Variants in CHRM3 observed in about 807,000 individuals in gnomAD.
The protein encoded by CHRM3 is muscarinic acetylcholine receptor M3.
A neutral mutation model predicts 41.8 loss-of-function variants in CHRM3; 11 were observed. That is an observed-to-expected ratio of 0.26 (90% CI 0.17 to 0.44). The LOEUF (loss-of-function observed/expected upper bound fraction) is 0.44. Among genes scored for constraint, CHRM3 ranks in the 20% least tolerant of loss-of-function variants. The pLI, the probability that CHRM3 is intolerant of heterozygous loss-of-function variation, is 1.00. For synonymous variants in CHRM3, 297 were observed against 301.4 expected (o/e 0.99, Z 0.15); for missense variants, 571 against 745.4 (o/e 0.77, Z 2.72).
chr1:239,459,977 A>G (rs1183853750), intron 1 of CHRM3, among the ~76,000 whole-genome samples: 1 of 152,170 alleles, frequency 6.6e-6, no homozygotes, highest in African/African-American at 2.4e-5. Context: ...CTTTACCCAT[A>G]CTAATTTGAC....
intron 3 of CHRM3, among the ~76,000 whole-genome samples, chr1:239,622,707 T>C (rs1668520523): frequency 6.6e-6 from 1 of 152,142 alleles, no homozygotes; most frequent in Admixed American, 6.6e-5. Context: ...TTTCTTGAGA[T>C]GGAATTAACT....
chr1:239,713,221 T>G (rs999372310), intron 5 of CHRM3, among the ~76,000 whole-genome samples: 6 of 152,198 alleles, frequency 3.9e-5, no homozygotes, highest in Admixed American at 6.5e-5. Context: ...GAGATCTGAA[T>G]TGCAGTTCCA....
At chr1:239,465,571 G>A (rs1558243450) in intron 1 of CHRM3, among the ~76,000 whole-genome samples, 1 of 152,126 alleles carries the variant, frequency 6.6e-6, no homozygotes, top group South Asian at 2.1e-4. Context: ...TCTTGCCTTT[G>A]TTTGCCATCA....
intron 5 of CHRM3, among the ~76,000 whole-genome samples, chr1:239,760,696 T>TAC (rs1183888193): frequency 6.6e-6 from 1 of 152,194 alleles, no homozygotes; most frequent in African/African-American, 2.4e-5. Flanking sequence ...GCTCTGCTCA[T>TAC]GTGTGGTTTG....
At chr1:239,688,838 A>C (rs1428430878) in intron 5 of CHRM3, among the ~76,000 whole-genome samples, 1 of 140,798 alleles carries the variant, frequency 7.1e-6, no homozygotes, top group African/African-American at 2.6e-5. Context: ...ATTATATAAT[A>C]TATATATTTA....
At chr1:239,406,468 A>C (rs1055667980) in intron 1 of CHRM3, among the ~76,000 whole-genome samples, 2 of 152,230 alleles carry the variant, frequency 1.3e-5, no homozygotes, top group Admixed American at 6.5e-5. Context: ...AAGAAAATGA[A>C]CTATGAACCA....
At chr1:239,628,698 G>T (rs1329013635) in intron 3 of CHRM3, among the ~76,000 whole-genome samples, 1 of 54,710 alleles carries the variant, frequency 1.8e-5, no homozygotes, top group Non-Finnish European at 3.0e-5. Context: ...TGTCCTTTCT[G>T]TTTGTTAGTT....
At chr1:239,485,569 C>T (rs561249742) in intron 1 of CHRM3, among the ~76,000 whole-genome samples, 1 of 152,222 alleles carries the variant, frequency 6.6e-6, no homozygotes, top group East Asian at 1.9e-4. Context: ...CATGAGCCAC[C>T]ACACCTGGCT....
intron 6 of CHRM3, among the ~76,000 whole-genome samples, chr1:239,870,329 AAAT>A (rs1194758956): frequency 3.9e-5 from 6 of 152,190 alleles, no homozygotes; most frequent in African/African-American, 1.4e-4. Flanking sequence ...AGATAAGTAG[AAAT>A]AACCCTTCCA....
At chr1:239,824,633 C>G (rs548202382) in intron 5 of CHRM3, among the ~76,000 whole-genome samples, 1 of 152,152 alleles carries the variant, frequency 6.6e-6, no homozygotes. Context: ...ATTATCTTAA[C>G]AAGAAAATAC....
At chr1:239,437,941 C>T (rs1663402431) in intron 1 of CHRM3, among the ~76,000 whole-genome samples, 1 of 152,164 alleles carries the variant, frequency 6.6e-6, no homozygotes, top group Admixed American at 6.5e-5. Context: ...ATGTTCCTAA[C>T]ACTTTGCTCA....
At chr1:239,720,867 A>G (rs946479557) in intron 5 of CHRM3, among the ~76,000 whole-genome samples, 1 of 151,966 alleles carries the variant, frequency 6.6e-6, no homozygotes, top group Non-Finnish European at 1.5e-5. Context: ...AATATGCTTT[A>G]TCTGCAGGAG....
At chr1:239,581,059 C>A (rs537807465) in intron 3 of CHRM3, among the ~76,000 whole-genome samples, 332 of 152,038 alleles carry the variant, frequency 2.2e-3, no homozygotes, top group African/African-American at 7.8e-3. Flanking sequence ...AATCCTCTCA[C>A]CACAGCCCTT....
rs6673859 is a variant in CHRM3 at position 239,914,369 on chromosome 1, A to G, written c.*5145A>G. 47,753 of 166,974 alleles carry G rather than the reference A, an allele frequency of 0.29. 8,022 individuals are homozygous for G. The highest frequency in any genetic ancestry group is 0.48 in the African/African-American group (19,840 of 41,456). 10.3% of individuals were successfully genotyped at this position (166,974 alleles called of 1,614,324 possible). On this transcript the variant is annotated 3_prime_UTR_variant, in exon 7 of 7. Transcript: ENST00000676153. ...CCTCCTTATTAATATAACAAATATT[A>G]TCAACATTCTGTGCACATCAATGTC...
intron 4 of CHRM3, among the ~76,000 whole-genome samples, chr1:239,638,645 T>C (rs576183905): frequency 6.6e-6 from 1 of 152,362 alleles, no homozygotes; most frequent in South Asian, 2.1e-4. Context: ...TTGAGTTCAC[T>C]GTAGATTCTG....
At position 239,883,359 on chromosome 1, in the gene CHRM3, A is replaced by G. The variant is rs12061464; in HGVS notation, c.-19-24074A>G. Among the ~76,000 whole-genome samples the G allele has an allele frequency of 1.0e-3, 158 of 152,264 alleles. 1 individual carries two copies. The highest frequency in any genetic ancestry group is 3.5e-3 in the African/African-American group (145 of 41,546). On this transcript the variant is annotated intron_variant, in intron 6 of 6. Coordinates refer to ENST00000676153, the MANE Select transcript of CHRM3 (RefSeq NM_001375978.1). ...TCATCTCCAACTATGCCCCTCATTC[A>G]TTTCATTTGCAGCACTTCAGTTAGG... is the stretch of plus-strand genomic sequence containing the variant.
At position 239,445,759 on chromosome 1, in the gene CHRM3, C is replaced by T. The variant is rs1416922183; in HGVS notation, c.-520-46950C>T. Among the ~76,000 whole-genome samples the T allele has an allele frequency of 2.0e-5, 3 of 152,202 alleles. No individual in the cohort carries two copies. In the East Asian group the frequency reaches 5.8e-4, roughly 29 times the overall value. Reference sequence around the variant, plus strand: ...TAGCTCTTATTATTACTATCATCATCCATCCATTGAGCCAGTTAATATGAA... The same window carrying T: ...TAGCTCTTATTATTACTATCATCATTCATCCATTGAGCCAGTTAATATGAA... On this transcript the variant is annotated intron_variant, in intron 1 of 6. Coordinates refer to ENST00000676153, the MANE Select transcript of CHRM3 (RefSeq NM_001375978.1).
At chr1:239,611,641 G>T (rs1040799775) in intron 3 of CHRM3, among the ~76,000 whole-genome samples, 2 of 151,886 alleles carry the variant, frequency 1.3e-5, no homozygotes, top group African/African-American at 4.8e-5. Context: ...GGATGGTCTT[G>T]ATCTCCTGAC....
At chr1:239,660,325 G>A (rs1673075151) in intron 4 of CHRM3, among the ~76,000 whole-genome samples, 1 of 151,966 alleles carries the variant, frequency 6.6e-6, no homozygotes, top group Non-Finnish European at 1.5e-5. Flanking sequence ...TCCTCCAAAT[G>A]TTACTTTTAC....
Sources: gnomAD v4.1 joint callset for allele counts (sites outside exome capture counted in the v4.1 genomes callset) on GRCh38, gnomAD v4.1.1 for gene constraint, MANE v1.5 for transcripts, NCBI Gene and HGNC (gene_info 2026-07-23, HGNC 2026-07-21) for gene names.